RBFOX1: variants seen among roughly 807,000 people sequenced by gnomAD.
RBFOX1 encodes the protein RNA binding protein fox-1 homolog 1.
RBFOX1 carries 8 observed loss-of-function variants against 57.7 expected under a neutral mutation model. That is an observed-to-expected ratio of 0.14 (90% CI 0.08 to 0.25). The LOEUF (loss-of-function observed/expected upper bound fraction) is 0.25, where lower values mean the gene tolerates loss of function less well. Among genes scored for constraint, RBFOX1 ranks in the 10% least tolerant of loss-of-function variants. The pLI is 1.00. For synonymous variants in RBFOX1, 326 were observed against 222.4 expected, an observed-to-expected ratio of 1.47 and a Z score of -4.15; for missense variants, 611 against 548.5, an observed-to-expected ratio of 1.11 and a Z score of -1.14.
chr16:6,789,306 G>T (rs937198830), intron 3 of RBFOX1, among the ~76,000 whole-genome samples: 1 of 152,180 alleles, frequency 6.6e-6, no homozygotes, highest in African/African-American at 2.4e-5. Context: ...TTTATAGCCA[G>T]TGGTATAAGA....
chr16:6,638,763 A>G (rs2098464079), intron 2 of RBFOX1, among the ~76,000 whole-genome samples: 1 of 152,226 alleles, frequency 6.6e-6, no homozygotes, highest in Non-Finnish European at 1.5e-5. Context: ...TCGCTATTGT[A>G]ACTCCATGCT....
At chr16:6,860,716 T>C (rs1670392636) in intron 3 of RBFOX1, among the ~76,000 whole-genome samples, 1 of 152,148 alleles carries the variant, frequency 6.6e-6, no homozygotes, top group African/African-American at 2.4e-5. Flanking sequence ...TTAAAATAAA[T>C]AAATTAGATC....
chr16:6,047,478 A>G (rs926877982), intron 1 of RBFOX1, among the ~76,000 whole-genome samples: 2 of 152,208 alleles, frequency 1.3e-5, no homozygotes, highest in Non-Finnish European at 2.9e-5. Flanking sequence ...TATGTGACCA[A>G]AGCTTTAGAA....
At chr16:7,297,442 G>A (rs913831175) in intron 4 of RBFOX1, among the ~76,000 whole-genome samples, 3 of 152,098 alleles carry the variant, frequency 2.0e-5, no homozygotes, top group Non-Finnish European at 2.9e-5. Context: ...TTTGATTTCT[G>A]ACATTGTCCC....
intron 3 of RBFOX1, among the ~76,000 whole-genome samples, chr16:6,681,272 C>T (rs556509128): frequency 1.3e-5 from 2 of 152,106 alleles, no homozygotes; most frequent in African/African-American, 2.4e-5. Context: ...GAGCCAGGAT[C>T]ACACCACTGC....
intron 2 of RBFOX1, among the ~76,000 whole-genome samples, chr16:6,641,168 T>C (rs934181462): frequency 4.6e-5 from 7 of 152,176 alleles, no homozygotes; most frequent in South Asian, 2.1e-4. Flanking sequence ...AATTACCCCG[T>C]AATCTTGTAT....
intron 3 of RBFOX1, among the ~76,000 whole-genome samples, chr16:6,893,422 A>G (rs1028920280): frequency 6.6e-6 from 1 of 152,182 alleles, no homozygotes; most frequent in Non-Finnish European, 1.5e-5. Context: ...TACAGAAACT[A>G]CCTCATTCAT....
chr16:7,529,734 C>T (rs576406576), intron 5 of RBFOX1, among the ~76,000 whole-genome samples: 3 of 152,210 alleles, frequency 2.0e-5, no homozygotes, highest in South Asian at 2.1e-4. Context: ...TTAGGCTGGG[C>T]ATGGTAGCTC....
intron 3 of RBFOX1, among the ~76,000 whole-genome samples, chr16:5,859,642 T>C (rs1444333226): frequency 6.6e-6 from 1 of 152,150 alleles, no homozygotes; most frequent in Non-Finnish European, 1.5e-5. Flanking sequence ...ACAGGGAGGA[T>C]AAAACTCTGC....
intron 4 of RBFOX1, among the ~76,000 whole-genome samples, chr16:7,345,011 T>A (rs1046780031): frequency 3.3e-5 from 5 of 151,226 alleles, no homozygotes; most frequent in African/African-American, 9.9e-5. Context: ...GTGGAGAAGA[T>A]CAAACCTGGA....
At chr16:7,563,786 C>T (rs923676889) in intron 5 of RBFOX1, among the ~76,000 whole-genome samples, 1 of 151,886 alleles carries the variant, frequency 6.6e-6, no homozygotes, top group African/African-American at 2.4e-5. Context: ...ATTTTAACTA[C>T]CTATCCTGGA....
At chr16:6,198,003 T>C (rs2097191554) in intron 1 of RBFOX1, among the ~76,000 whole-genome samples, 1 of 152,240 alleles carries the variant, frequency 6.6e-6, no homozygotes, top group South Asian at 2.1e-4. Context: ...TCTAACACAT[T>C]GGACCAAAAG....
rs556808391 is a variant in RBFOX1 at position 6,928,960 on chromosome 16, C to A, written c.-15-123097C>A. Among the ~76,000 whole-genome samples the A allele has an allele frequency of 3.9e-5, 6 of 152,204 alleles. No homozygotes were observed. In the South Asian group the frequency reaches 1.2e-3, roughly 32 times the overall value. On this transcript the variant is annotated intron_variant, in intron 3 of 15. Coordinates refer to ENST00000550418, the MANE Select transcript of RBFOX1 (RefSeq NM_018723.4). ...CCCCAAAGCAGATGTCATCTCATGT[C>A]ATTGGGAAGTAAAGATGTTCACGGT...
chr16:6,009,802 A>ATGTG (rs753032432), intron 4 of RBFOX1, among the ~76,000 whole-genome samples: 3 of 58,562 alleles, frequency 5.1e-5, no homozygotes, highest in African/African-American at 1.8e-4. Flanking sequence ...CAGTGTGTGT[A>ATGTG]TGTGTGTGTG....
chr16:5,345,913 A>G (rs867386891), intron 1 of RBFOX1, among the ~76,000 whole-genome samples: 3 of 152,218 alleles, frequency 2.0e-5, no homozygotes, highest in Non-Finnish European at 2.9e-5. Context: ...CTCCCCAACC[A>G]TATTGTGTGG....
chr16:7,583,425 G>T (rs1290756027), intron 6 of RBFOX1, among the ~76,000 whole-genome samples: 1 of 152,116 alleles, frequency 6.6e-6, no homozygotes, highest in Non-Finnish European at 1.5e-5. Context: ...CCCAAAAGAG[G>T]AATATATGGA....
chr16:6,056,144 T>C (rs1019102037), intron 1 of RBFOX1, among the ~76,000 whole-genome samples: 4 of 152,140 alleles, frequency 2.6e-5, no homozygotes, highest in African/African-American at 9.7e-5. Flanking sequence ...TAGCTGCTTG[T>C]CATTTTTGTG....
chr16:7,111,992 G>A (rs529519728), intron 4 of RBFOX1, among the ~76,000 whole-genome samples: 7 of 152,278 alleles, frequency 4.6e-5, no homozygotes, highest in African/African-American at 1.7e-4. Flanking sequence ...GACAGATACA[G>A]TTTGGCCTAT....
chr16:7,350,291 A>AG (rs1334737394), intron 4 of RBFOX1, among the ~76,000 whole-genome samples: 2 of 152,092 alleles, frequency 1.3e-5, no homozygotes, highest in African/African-American at 4.8e-5. Flanking sequence ...GTCTAAGGGG[A>AG]GGAAAAAAGC....
Sources: allele counts gnomAD v4.1 joint callset (sites outside exome capture counted in the v4.1 genomes callset), GRCh38; gene constraint gnomAD v4.1.1; transcripts MANE v1.5; gene names NCBI Gene and HGNC (gene_info 2026-07-23, HGNC 2026-07-21).